The following SAMD4A variants were observed in gnomAD, a reference collection of about 807,000 sequenced individuals.
SAMD4A encodes the protein sterile alpha motif domain containing 4A.
In SAMD4A, 33 loss-of-function variants were observed where a neutral mutation model predicts 81.3. The observed-to-expected ratio is 0.41, with a 90% CI of 0.31 to 0.54. SAMD4A has a LOEUF of 0.54. Among genes scored for constraint, SAMD4A ranks in the 20% least tolerant of loss-of-function variants. The pLI is 0.37. For missense variants in SAMD4A, 854 were observed against 951.1 expected, an observed-to-expected ratio of 0.90 and a Z score of 1.34; for synonymous variants, 389 against 382.1, an observed-to-expected ratio of 1.02 and a Z score of -0.21.
intron 2 of SAMD4A, among the ~76,000 whole-genome samples, chr14:54,612,549 T>C (rs553268200): frequency 1.3e-5 from 2 of 152,346 alleles, no homozygotes; most frequent in East Asian, 3.9e-4. Context: ...GTTTAATTAC[T>C]GTAGAAGCCT....
intron 2 of SAMD4A, among the ~76,000 whole-genome samples, chr14:54,657,483 AG>A (rs570365746): frequency 9.0e-4 from 137 of 152,306 alleles, no homozygotes; most frequent in African/African-American, 3.3e-3. Context: ...GAGAAGTCAG[AG>A]GGTTCTCCCA....
At chr14:54,645,428 C>G (rs1219476032) in intron 2 of SAMD4A, among the ~76,000 whole-genome samples, 1 of 152,196 alleles carries the variant, frequency 6.6e-6, no homozygotes, top group African/African-American at 2.4e-5. Context: ...TATGCAATAT[C>G]TTTTACATTA....
At chr14:54,784,767 C>T in intron 12 of SAMD4A, 147 bp downstream of exon 12, 9 of 733,452 alleles carry the variant, frequency 1.2e-5, no homozygotes, top group Non-Finnish European at 2.1e-5. Flanking sequence ...GAAAGAGTGG[C>T]CTTAGGGTAC....
At chr14:54,639,534 G>C (rs2035118399) in intron 2 of SAMD4A, among the ~76,000 whole-genome samples, 1 of 152,228 alleles carries the variant, frequency 6.6e-6, no homozygotes, top group Non-Finnish European at 1.5e-5. Flanking sequence ...GCCACGAGCA[G>C]CTGGGCCACA....
intron 2 of SAMD4A, among the ~76,000 whole-genome samples, chr14:54,630,519 T>A (rs1367437249): frequency 6.6e-6 from 1 of 152,248 alleles, no homozygotes; most frequent in African/African-American, 2.4e-5. Context: ...TCCCAATTTT[T>A]AAAATCAGAT....
chr14:54,633,496 T>C (rs2034953520), intron 2 of SAMD4A, among the ~76,000 whole-genome samples: 1 of 152,020 alleles, frequency 6.6e-6, no homozygotes, highest in Non-Finnish European at 1.5e-5. Flanking sequence ...TCGTGAGTAG[T>C]TGGGGACAAG....
At chr14:54,631,039 G>T (rs2034891236) in intron 2 of SAMD4A, among the ~76,000 whole-genome samples, 1 of 151,368 alleles carries the variant, frequency 6.6e-6, no homozygotes, top group Admixed American at 6.6e-5. Flanking sequence ...GAGAGCTGAT[G>T]GTGTAGTTCC....
intron 2 of SAMD4A, among the ~76,000 whole-genome samples, chr14:54,620,268 C>T (rs2034584726): frequency 6.6e-6 from 1 of 152,276 alleles, no homozygotes; most frequent in Non-Finnish European, 1.5e-5. Context: ...GTAACCCCCT[C>T]ATAGGGTTGT....
Position 54,760,246 on chromosome 14 carries a change from C to T in SAMD4A, c.1262C>T (p.Pro421Leu), listed in dbSNP as rs750756441. Residue 421 changes from proline to leucine, a missense_variant, in exon 7 of 13, where the codon CCG becomes CTG. By Grantham distance (98) the Pro-to-Leu change is moderately conservative. Transcript: ENST00000554335. Reference protein sequence around the residue: ...ILTPIKAYSSPSTTPEARRRE... With the variant: ...ILTPIKAYSSLSTTPEARRRE... ...ACTCCGATCAAGGCCTACAGCTCCCCGAGCACCACCCCCGAGGCTCGCCGC... is the reference window on the plus strand; with the variant it reads ...ACTCCGATCAAGGCCTACAGCTCCCTGAGCACCACCCCCGAGGCTCGCCGC... The T allele has an allele frequency of 7.1e-5, 115 of 1,613,148 alleles. No homozygotes were observed. The highest frequency in any genetic ancestry group is 9.0e-5 in the Non-Finnish European group (106 of 1,179,910).
intron 2 of SAMD4A, among the ~76,000 whole-genome samples, chr14:54,682,643 A>G (rs1012338492): frequency 2.6e-5 from 4 of 152,248 alleles, no homozygotes; most frequent in African/African-American, 9.6e-5. Flanking sequence ...TTCTGAGCAC[A>G]TAATCAAGTC....
intron 3 of SAMD4A, among the ~76,000 whole-genome samples, chr14:54,727,315 G>A (rs531745282): frequency 6.6e-6 from 1 of 150,642 alleles, no homozygotes; most frequent in African/African-American, 2.4e-5. Flanking sequence ...TCAGCCCCCC[G>A]AGTAGCTAGG....
At chr14:54,684,941 G>A (rs2140606243) in intron 2 of SAMD4A, among the ~76,000 whole-genome samples, 1 of 152,322 alleles carries the variant, frequency 6.6e-6, no homozygotes, top group African/African-American at 2.4e-5. Context: ...TTTCAAAGAG[G>A]CATTAAGTGT....
chr14:54,694,996 A>G (rs1239753168), intron 2 of SAMD4A: 65 of 807,612 alleles, frequency 8.0e-5, no homozygotes, highest in Non-Finnish European at 9.3e-5. Context: ...GGATGGTCAG[A>G]TGCCTTTGAA....
chr14:54,688,296 T>G, intron 2 of SAMD4A: 1 of 985,442 alleles, frequency 1.0e-6, no homozygotes, highest in South Asian at 4.7e-5. Flanking sequence ...AGCAACCGTT[T>G]AGAGGTAACG....
At chr14:54,645,193 A>T (rs772994898) in intron 2 of SAMD4A, among the ~76,000 whole-genome samples, 9 of 152,232 alleles carry the variant, frequency 5.9e-5, no homozygotes, top group Non-Finnish European at 8.8e-5. Flanking sequence ...TTGGACAGTC[A>T]CAGTGGCTCA....
intron 2 of SAMD4A, among the ~76,000 whole-genome samples, chr14:54,662,917 G>T (rs191154654): frequency 8.6e-4 from 131 of 152,248 alleles, no homozygotes; most frequent in African/African-American, 2.0e-3. Context: ...TGTGCTGCTG[G>T]GCTGCTCCCT....
intron 10 of SAMD4A, among the ~76,000 whole-genome samples, chr14:54,775,880 G>A (rs1052364083): frequency 6.6e-6 from 1 of 151,960 alleles, no homozygotes; most frequent in African/African-American, 2.4e-5. Flanking sequence ...CCCATCTTCT[G>A]ACCATTGTCC....
intron 2 of SAMD4A, among the ~76,000 whole-genome samples, chr14:54,570,654 T>C (rs973604450): frequency 4.1e-4 from 62 of 152,216 alleles, no homozygotes; most frequent in African/African-American, 1.5e-3. Context: ...ATTGACCTTG[T>C]AGGCACCACT....
chr14:54,592,635 A>G (rs1046983074), intron 2 of SAMD4A, among the ~76,000 whole-genome samples: 4 of 151,820 alleles, frequency 2.6e-5, no homozygotes, highest in African/African-American at 7.3e-5. Flanking sequence ...AATTTTTTGT[A>G]TTTTTAGTAG....
Sources: gnomAD v4.1 joint callset for allele counts (sites outside exome capture counted in the v4.1 genomes callset) on GRCh38, gnomAD v4.1.1 for gene constraint, MANE v1.5 for transcripts, NCBI Gene and HGNC (gene_info 2026-07-23, HGNC 2026-07-21) for gene names.